The following ABI2 variants were observed in gnomAD, a reference collection of about 807,000 sequenced individuals.
The protein encoded by ABI2 is abl interactor 2, also known as abelson interactor 2.
Under a neutral mutation model 59.2 loss-of-function variants are expected in ABI2, and 25 were observed. The observed-to-expected ratio is 0.42, with a 90% confidence interval of 0.31 to 0.59. The LOEUF is 0.59. Among genes scored for constraint, ABI2 ranks in the 20% least tolerant of loss-of-function variants. ABI2 has a pLI of 0.14. For missense variants in ABI2, 545 were observed against 681.8 expected, an observed-to-expected ratio of 0.80 and a Z score of 2.23; for synonymous variants, 213 against 235.5, an observed-to-expected ratio of 0.90 and a Z score of 0.87.
At chr2:203,342,108 C>T (rs1051098014) in intron 1 of ABI2, 18 of 407,510 alleles carry the variant, frequency 4.4e-5, no homozygotes, top group Non-Finnish European at 7.4e-5. Flanking sequence ...TCTTAGTGTT[C>T]AGTAAATTTT....
chr2:203,414,401 C>T (rs1219447577), intron 10 of ABI2, among the ~76,000 whole-genome samples: 1 of 152,034 alleles, frequency 6.6e-6, no homozygotes, highest in Non-Finnish European at 1.5e-5. Context: ...CCCGCCTGGC[C>T]TTGTTTTGTT....
rs1312712237 is a variant in ABI2 at position 203,368,984 on chromosome 2, A to AATTTTTTTTTTTTTT, written c.285+1940_285+1941insATTTTTTTTTTTTTT. Among the ~76,000 whole-genome samples the AATTTTTTTTTTTTTT allele has an allele frequency of 7.7e-5, 7 of 91,118 alleles. 3 individuals carry two copies. The highest frequency in any genetic ancestry group is 8.9e-5 in the African/African-American group (2 of 22,452). The allele number at this position is 91,118 out of a possible 152,430, so 59.8% of individuals were successfully genotyped here. A position where few individuals can be genotyped will look rare whatever the true frequency, so the allele number is the denominator to read the frequency against. ...TACAGGCACGTGCCATGCTTGGCTG[A>AATTTTTTTTTTTTTT]TTTTTTTTTTTTTTTTTTTTTTTTT... On this transcript the variant is annotated intron_variant, in intron 2 of 11. Coordinates refer to ENST00000261018, the MANE Select transcript of ABI2 (RefSeq NM_001375670.1).
At chr2:203,395,314 ATTG>A (rs2096927192) in intron 6 of ABI2, among the ~76,000 whole-genome samples, 1 of 151,802 alleles carries the variant, frequency 6.6e-6, no homozygotes, top group Non-Finnish European at 1.5e-5. Context: ...GGCAATATTT[ATTG>A]TTTTAATGTG....
intron 1 of ABI2, among the ~76,000 whole-genome samples, chr2:203,358,071 TTGTGTGTGTGTGTGTGTGTG>T (rs71007506): frequency 1.6e-5 from 2 of 128,782 alleles, no homozygotes; most frequent in African/African-American, 6.1e-5. Flanking sequence ...CCTGGCCTGT[TTGTGTGTGTGTGTGTGTGTG>T]TGTGTGTGTG....
At chr2:203,402,183 C>T (rs572234830) in intron 8 of ABI2, among the ~76,000 whole-genome samples, 3 of 152,176 alleles carry the variant, frequency 2.0e-5, no homozygotes, top group South Asian at 2.1e-4. Context: ...TACAGGCGCA[C>T]GCCACCATAC....
At chr2:203,350,766 C>G (rs2087534972) in intron 1 of ABI2, among the ~76,000 whole-genome samples, 2 of 151,954 alleles carry the variant, frequency 1.3e-5, no homozygotes, top group Middle Eastern at 6.8e-3. Flanking sequence ...TCTCGAACTC[C>G]TGACCTCATG....
chr2:203,353,409 A>G (rs1412487828), intron 1 of ABI2, among the ~76,000 whole-genome samples: 3 of 152,190 alleles, frequency 2.0e-5, no homozygotes, highest in Admixed American at 2.0e-4. Context: ...TTTATTAGAT[A>G]CCAAATAAAA....
intron 1 of ABI2, among the ~76,000 whole-genome samples, chr2:203,349,045 G>A (rs1306299343): frequency 6.6e-6 from 1 of 151,454 alleles, no homozygotes; most frequent in African/African-American, 2.4e-5. Context: ...TGATTCTCCT[G>A]CCTCAGCCTC....
rs2096454470 is a variant in ABI2 at position 203,385,339 on chromosome 2, GCC to G, written c.480+3134_480+3135del. Among the ~76,000 whole-genome samples the G allele has an allele frequency of 2.0e-5, 3 of 150,990 alleles. No homozygotes were observed. In the South Asian group the frequency reaches 6.3e-4, roughly 32 times the overall value. On this transcript the variant is annotated intron_variant, in intron 4 of 11. Transcript: ENST00000261018. ...GTAGAGACGGGGTTTCACCGTGTTAGCCAGGATGGTCTCGATCTCCTGATCTC... is the reference window on the plus strand; with the variant it reads ...GTAGAGACGGGGTTTCACCGTGTTAGAGGATGGTCTCGATCTCCTGATCTC...
intron 1 of ABI2, among the ~76,000 whole-genome samples, chr2:203,345,175 C>G (rs908603870): frequency 1.3e-5 from 2 of 152,210 alleles, no homozygotes; most frequent in African/African-American, 4.8e-5. Flanking sequence ...CATTGAAGGT[C>G]TGCAGCTTCA....
intron 8 of ABI2, among the ~76,000 whole-genome samples, chr2:203,399,386 T>TA (rs1559333876): frequency 1.3e-5 from 2 of 152,244 alleles, no homozygotes; most frequent in Non-Finnish European, 2.9e-5. Context: ...CCTTCTCACC[T>TA]TTTTAATAGG....
intron 5 of ABI2, among the ~76,000 whole-genome samples, chr2:203,391,662 A>C (rs1256093380): frequency 6.6e-6 from 1 of 151,972 alleles, no homozygotes; most frequent in East Asian, 1.9e-4. Flanking sequence ...CTCTACGAAA[A>C]ATACAAAAAT....
At chr2:203,417,716 A>G (rs2097959806) in intron 11 of ABI2, among the ~76,000 whole-genome samples, 1 of 152,222 alleles carries the variant, frequency 6.6e-6, no homozygotes, top group Non-Finnish European at 1.5e-5. Context: ...TCACTTGGAG[A>G]GCTTTTATAA....
intron 9 of ABI2, 69 bp from the exon 10 acceptor site, chr2:203,411,216 G>GT (rs1261900559): frequency 8.6e-7 from 1 of 1,167,630 alleles, no homozygotes; most frequent in African/African-American, 1.5e-5. Flanking sequence ...TTATTTTATT[G>GT]TATTATCCTT....
At chr2:203,358,737 TG>T (rs2092828614) in intron 1 of ABI2, among the ~76,000 whole-genome samples, 1 of 152,144 alleles carries the variant, frequency 6.6e-6, no homozygotes, top group South Asian at 2.1e-4. Flanking sequence ...CAGCCAGGCA[TG>T]GTGATTCACA....
chr2:203,416,828 C>A, intron 10 of ABI2, 80 bp from the exon 11 acceptor site: 4 of 1,384,848 alleles, frequency 2.9e-6, no homozygotes, highest in Non-Finnish European at 3.9e-6. Flanking sequence ...GGTTTATATT[C>A]CATGAACCCA....
chr2:203,367,252 G>T, intron 2 of ABI2: 2 of 593,204 alleles, frequency 3.4e-6, no homozygotes, highest in Middle Eastern at 5.4e-4. Context: ...AAATCGTAAT[G>T]AATTTTATTA....
intron 1 of ABI2, among the ~76,000 whole-genome samples, chr2:203,351,254 G>A (rs2088153042): frequency 6.6e-6 from 1 of 152,024 alleles, no homozygotes; most frequent in Non-Finnish European, 1.5e-5. Context: ...TACTTTTATA[G>A]TTTTAAAATT....
rs2098473740 is a variant in ABI2, at chr2:203,430,415, AAT to A, written c.*3065_*3066del. The A allele has an allele frequency of 6.6e-6, 1 of 152,176 alleles. No homozygotes were observed. 9.4% of individuals were successfully genotyped at this position (152,176 alleles called of 1,614,324 possible). A position where few individuals can be genotyped will look rare whatever the true frequency, so the allele number is the denominator to read the frequency against. On this transcript the variant is annotated 3_prime_UTR_variant, in exon 12 of 12. Coordinates refer to ENST00000261018, the MANE Select transcript of ABI2 (RefSeq NM_001375670.1). Reference sequence around the variant, plus strand: ...GTGTCCAGTCCCCTTAAAAAAAATGAATAGTTGTCTTTTCTTGTCATATTAAT... The same window carrying A: ...GTGTCCAGTCCCCTTAAAAAAAATGAAGTTGTCTTTTCTTGTCATATTAAT...
Sources: gnomAD v4.1 joint callset for allele counts (sites outside exome capture counted in the v4.1 genomes callset) on GRCh38, gnomAD v4.1.1 for gene constraint, MANE v1.5 for transcripts, NCBI Gene and HGNC (gene_info 2026-07-23, HGNC 2026-07-21) for gene names.